PAXBP1: variants seen among roughly 807,000 people sequenced by gnomAD.
PAXBP1 encodes the protein PAX3 and PAX7 binding protein 1.
PAXBP1 carries 44 observed loss-of-function variants against 119.9 expected under a neutral mutation model. The observed-to-expected ratio is 0.37, with a 90% CI of 0.29 to 0.47. PAXBP1 has a LOEUF of 0.47. Among genes scored for constraint, PAXBP1 ranks in the 20% least tolerant of loss-of-function variants. The probability of loss-of-function intolerance (pLI) is 0.99; values close to 1 mark genes in which losing one functional copy is unlikely to be tolerated. For synonymous variants in PAXBP1, 393 were observed against 406.6 expected (o/e 0.97, Z 0.40); for missense variants, 898 against 1,134.1 (o/e 0.79, Z 2.99).
intron 11 of PAXBP1, 45 bp downstream of exon 11, chr21:32,748,453 AG>A: frequency 6.5e-7 from 1 of 1,543,856 alleles, no homozygotes; most frequent in Non-Finnish European, 8.8e-7. Flanking sequence ...AAAATTACCC[AG>A]ATATCAAATT....
At chr21:32,763,071 T>C (rs1046631262) in intron 3 of PAXBP1, among the ~76,000 whole-genome samples, 2 of 152,158 alleles carry the variant, frequency 1.3e-5, no homozygotes, top group Non-Finnish European at 2.9e-5. Context: ...AAATATTTAA[T>C]TTTGTACCTA....
chr21:32,746,940 A>G (rs2146481560), intron 11 of PAXBP1, among the ~76,000 whole-genome samples: 1 of 152,342 alleles, frequency 6.6e-6, no homozygotes, highest in South Asian at 2.1e-4. Flanking sequence ...TTGCAGGGAC[A>G]TGGATGGAGC....
chr21:32,748,382 C>A (rs1015170132), intron 11 of PAXBP1, 117 bp downstream of exon 11: 8 of 811,302 alleles, frequency 9.9e-6, no homozygotes, highest in African/African-American at 5.2e-5. Context: ...TCAATTATAG[C>A]CTATGCCCTA....
chr21:32,771,657 CT>C lies in PAXBP1; in HGVS notation c.11del (p.Lys4ArgfsTer5). On this transcript the variant is annotated frameshift_variant, in exon 1 of 18. Transcript: ENST00000331923. LOFTEE classifies it high-confidence loss of function. MFR[K>X]ARRVNVRKRN... ...GCTTGCGCACGTTCACCCGCCGGGC[CT>C]TTCGGAACATCCCCGCGGCCCGCAC... The C allele has an allele frequency of 7.0e-7, 1 of 1,429,454 alleles. No individual in the cohort carries two copies. Among genetic ancestry groups the C allele is most frequent in the South Asian group, 1.4e-5 (1 of 72,102 alleles). 88.5% of individuals were successfully genotyped at this position (1,429,454 alleles called of 1,614,324 possible).
intron 3 of PAXBP1, among the ~76,000 whole-genome samples, chr21:32,763,670 A>G (rs1432187419): frequency 6.6e-6 from 1 of 152,192 alleles, no homozygotes; most frequent in Non-Finnish European, 1.5e-5. Flanking sequence ...CAGAAAAGTA[A>G]AAAGGAGTGT....
At chr21:32,738,024 A>C (rs1241333124) in intron 16 of PAXBP1, 149 bp downstream of exon 16, 1 of 671,372 alleles carries the variant, frequency 1.5e-6, no homozygotes, top group Non-Finnish European at 2.3e-6. Context: ...GGGGGTTGGA[A>C]CTACCTGGGT....
intron 3 of PAXBP1, among the ~76,000 whole-genome samples, chr21:32,763,905 T>G (rs1267367131): frequency 6.6e-6 from 1 of 151,198 alleles, no homozygotes; most frequent in Non-Finnish European, 1.5e-5. Context: ...GAGAATCGCT[T>G]GAACCTGGGA....
chr21:32,766,057 C>A (rs187159570), intron 2 of PAXBP1, among the ~76,000 whole-genome samples: 16 of 152,290 alleles, frequency 1.1e-4, no homozygotes, highest in African/African-American at 3.4e-4. Context: ...ATCGCTTGAA[C>A]CCAGGAGGCA....
intron 8 of PAXBP1, among the ~76,000 whole-genome samples, chr21:32,754,350 G>A (rs1252133382): frequency 2.0e-5 from 3 of 152,198 alleles, no homozygotes; most frequent in African/African-American, 2.4e-5. Flanking sequence ...TATGTTAAAC[G>A]AGTATCAGGT....
chr21:32,742,695 A>G (rs112403415), intron 15 of PAXBP1: 1 of 220,058 alleles, frequency 4.5e-6, no homozygotes, highest in Non-Finnish European at 9.1e-6. Flanking sequence ...CTACAGCAGT[A>G]CTCCTTATCT....
chr21:32,737,439 G>T (rs753881379), intron 16 of PAXBP1, 31 bp from the exon 17 acceptor site: 3 of 1,562,630 alleles, frequency 1.9e-6, no homozygotes, highest in Non-Finnish European at 2.6e-6. Flanking sequence ...AAATAAAATA[G>T]TTAAGACAGA....
rs1283981512 is a variant in PAXBP1 at position 32,745,568 on chromosome 21, ATT to A, written c.2068+4_2068+5del. 2 of 1,613,876 alleles carry A rather than the reference ATT, an allele frequency of 1.2e-6. No homozygotes were observed. Among genetic ancestry groups the A allele is most frequent in the East Asian group, 2.2e-5 (1 of 44,860 alleles). On this transcript the variant is annotated splice_donor_5th_base_variant and intron_variant, in intron 12 of 17. Coordinates refer to ENST00000331923, the MANE Select transcript of PAXBP1 (RefSeq NM_016631.4). ...GAATGCTCAATTCAGAGAACAGGAGATTTACCTGTTAGTTTAGGAAGAATCAC... is the reference window on the plus strand; with the variant it reads ...GAATGCTCAATTCAGAGAACAGGAGATACCTGTTAGTTTAGGAAGAATCAC...
chr21:32,769,212 T>C (rs2044292249), intron 2 of PAXBP1, among the ~76,000 whole-genome samples: 1 of 152,160 alleles, frequency 6.6e-6, no homozygotes, highest in African/African-American at 2.4e-5. Flanking sequence ...CCATAGAATA[T>C]TATACTGGAT....
At chr21:32,738,938 T>C (rs771672594) in intron 15 of PAXBP1, among the ~76,000 whole-genome samples, 2 of 152,176 alleles carry the variant, frequency 1.3e-5, no homozygotes, top group Non-Finnish European at 2.9e-5. Context: ...TGGAGGTCAT[T>C]CCTGACCTCT....
intron 4 of PAXBP1, 28 bp downstream of exon 4, chr21:32,762,068 G>A (rs370370503): frequency 2.9e-4 from 473 of 1,612,408 alleles, no homozygotes; most frequent in Non-Finnish European, 3.6e-4. Flanking sequence ...CAATGCAATA[G>A]GCTTACTATT....
chr21:32,763,667 G>A (rs760343565), intron 3 of PAXBP1, among the ~76,000 whole-genome samples: 4 of 152,104 alleles, frequency 2.6e-5, no homozygotes, highest in Non-Finnish European at 5.9e-5. Flanking sequence ...TTGCAGAAAA[G>A]TAAAAAGGAG....
chr21:32,771,637 C>T lies in PAXBP1; in HGVS notation c.32G>A (p.Arg11His). 1.4e-6 allele frequency: 2 copies of T among 1,450,248 alleles called. No individual in the cohort carries two copies. The highest frequency in any genetic ancestry group is 1.8e-6 in the Non-Finnish European group (2 of 1,104,478). The allele number at this position is 1,450,248 out of a possible 1,614,324, so 89.8% of individuals were successfully genotyped here. A position where few individuals can be genotyped will look rare whatever the true frequency, so the allele number is the denominator to read the frequency against. The change falls in exon 1 of 18, where the codon CGC becomes CAC. Residue 11 changes from arginine to histidine, a missense_variant. Transcript: ENST00000331923. ...TTCCTCTTCGGAGTCGTTCCGCTTG[C>T]GCACGTTCACCCGCCGGGCCTTTCG... MFRKARRVNVRKRNDSEEEER... is the reference protein window; with the variant it reads MFRKARRVNVHKRNDSEEEER...
chr21:32,750,813 T>C, intron 10 of PAXBP1, 104 bp downstream of exon 10: 1 of 813,584 alleles, frequency 1.2e-6, no homozygotes, highest in Non-Finnish European at 1.9e-6. Context: ...AAGTGTCTGG[T>C]TCTAATGCAG....
intron 15 of PAXBP1, among the ~76,000 whole-genome samples, chr21:32,738,889 A>G (rs999559569): frequency 4.6e-5 from 7 of 152,192 alleles, no homozygotes; most frequent in African/African-American, 1.7e-4. Context: ...AACTTAGTAA[A>G]TGGTAACACT....
Sources: gnomAD v4.1 joint callset for allele counts (sites outside exome capture counted in the v4.1 genomes callset) on GRCh38, gnomAD v4.1.1 for gene constraint, MANE v1.5 for transcripts, NCBI Gene and HGNC (gene_info 2026-07-23, HGNC 2026-07-21) for gene names.